Variants in SYNPO observed in about 807,000 individuals in gnomAD.
The protein encoded by SYNPO is synaptopodin.
In SYNPO, 19 loss-of-function variants were observed where a neutral mutation model predicts 49.5. The observed-to-expected ratio is 0.38, with a 90% CI of 0.27 to 0.56. The LOEUF is 0.56. SYNPO is among the 20% of genes least tolerant of loss of function. The probability of loss-of-function intolerance (pLI) is 0.68; values close to 1 mark genes in which losing one functional copy is unlikely to be tolerated. For synonymous variants in SYNPO, 536 were observed against 548.0 expected (o/e 0.98, Z 0.31); for missense variants, 1,131 against 1,248.3 (o/e 0.91, Z 1.42).
At chr5:150,598,264 C>T (rs147756951), upstream of SYNPO, among the ~76,000 whole-genome samples, 2 of 152,322 alleles carry the variant, frequency 1.3e-5, no homozygotes, top group East Asian at 3.9e-4. Flanking sequence ...CGGTGCTCAG[C>T]CCTGCTGCAG....
intron 2 of SYNPO, chr5:150,650,816 GTCTTTCTT>G: frequency 7.8e-7 from 1 of 1,280,960 alleles, no homozygotes; most frequent in Non-Finnish European, 9.9e-7. Context: ...AGCTCCTGGC[GTCTTTCTT>G]CCTGTTGCTG....
At chr5:150,620,538 A>G (rs1330381513) in intron 2 of SYNPO, among the ~76,000 whole-genome samples, 8 of 152,260 alleles carry the variant, frequency 5.3e-5, no homozygotes, top group African/African-American at 1.9e-4. Flanking sequence ...GGTTTTTTGA[A>G]CACGAGGCTT....
intron 2 of SYNPO, chr5:150,624,934 G>T: frequency 1.0e-6 from 1 of 985,498 alleles, no homozygotes. Flanking sequence ...GGCCTGGCAG[G>T]GGTGCGGGCA....
At position 150,649,847 on chromosome 5, in the gene SYNPO, C is replaced by T. The variant is rs780666528; in HGVS notation, c.1572C>T (p.Asn524=). ...SLPSSWKYPT[N]APGAFRVASR... is the part of the protein sequence containing the mutation. ...CTTCCTCCTGGAAATACCCCACTAA[C>T]GCCCCCGGGGCCTTCCGAGTGGCAT... The change falls in exon 2 of 3, where the codon AAC becomes AAT. Residue 524 remains asparagine (N), a synonymous_variant. Transcript: ENST00000307662. The T allele has an allele frequency of 7.8e-5, 126 of 1,608,852 alleles. 1 individual carries two copies. The South Asian group carries it at 9.7e-4, about 12-fold the overall frequency.
At chr5:150,626,860 A>G (rs908226476) in intron 2 of SYNPO, among the ~76,000 whole-genome samples, 1 of 152,118 alleles carries the variant, frequency 6.6e-6, no homozygotes, top group African/African-American at 2.4e-5. Context: ...TAATAGGTGA[A>G]TGGCGACATG....
At chr5:150,615,049 G>A (rs926505031) in intron 1 of SYNPO, 3 of 152,376 alleles carry the variant, frequency 2.0e-5, no homozygotes, top group Non-Finnish European at 4.4e-5. Context: ...AAAGGGCTGG[G>A]TTCAGCACCT....
intron 1 of SYNPO, among the ~76,000 whole-genome samples, chr5:150,603,036 G>GTA (rs1756592009): frequency 6.6e-6 from 1 of 151,516 alleles, no homozygotes; most frequent in African/African-American, 2.4e-5. Context: ...GTGTGTGTGT[G>GTA]TGTGTGGTGT....
At chr5:150,643,049 A>G (rs762299402) in intron 1 of SYNPO, among the ~76,000 whole-genome samples, 1 of 152,186 alleles carries the variant, frequency 6.6e-6, no homozygotes, top group Non-Finnish European at 1.5e-5. Flanking sequence ...ACATTTGAGG[A>G]TTTTCTAAAC....
At chr5:150,635,349 C>G (rs1334614268) in intron 2 of SYNPO, among the ~76,000 whole-genome samples, 1 of 152,234 alleles carries the variant, frequency 6.6e-6, no homozygotes. Flanking sequence ...CCGGCTGGAG[C>G]CTCTCCAGCA....
the SYNPO span, among the ~76,000 whole-genome samples, chr5:150,586,446 C>A: frequency 5.1e-4 from 77 of 152,290 alleles, no homozygotes; most frequent in African/African-American, 1.8e-3. Flanking sequence ...ACCTAACCCC[C>A]AACCCCCACT....
chr5:150,657,227 GT>G lies in SYNPO; in HGVS notation c.*142del. On this transcript the variant is annotated 3_prime_UTR_variant, in exon 3 of 3. Coordinates refer to ENST00000307662, the MANE Select transcript of SYNPO (RefSeq NM_007286.6). ...AGGAGAGCTCTGGGGTTGGGGATGG[GT>G]TAGGGACGCAAGCTTGAGTTCTAGC... 1 of 926,548 alleles carries G rather than the reference GT, an allele frequency of 1.1e-6. No individual in the cohort carries two copies. The allele number at this position is 926,548 out of a possible 1,614,324, so 57.4% of individuals were successfully genotyped here. A position where few individuals can be genotyped will look rare whatever the true frequency, so the allele number is the denominator to read the frequency against.
chr5:150,634,177 A>G (rs959483179), intron 2 of SYNPO, among the ~76,000 whole-genome samples: 5 of 152,058 alleles, frequency 3.3e-5, no homozygotes, highest in Admixed American at 3.3e-4. Context: ...TAAGGTGTAT[A>G]TTCTGTGGTT....
In SYNPO at chr5:150,612,972, T is replaced by A. The variant is rs112951170; in HGVS notation, c.-265-5131T>A. ...ATTTAATGTTTTGTAGAGACGGGGG[T>A]CTCACTATGTTGCTCAGGCTGGTCT... On this transcript the variant is annotated intron_variant, in intron 1 of 2. Transcript: ENST00000394243. Among the ~76,000 whole-genome samples, 1,078 of 151,994 alleles carry A rather than the reference T, an allele frequency of 7.1e-3. 20 individuals are homozygous for A. Among genetic ancestry groups the A allele is most frequent in the African/African-American group, 0.023 (967 of 41,422 alleles).
chr5:150,653,908 C>G (rs33412), intron 2 of SYNPO: 23 of 151,976 alleles, frequency 1.5e-4, no homozygotes, highest in African/African-American at 5.6e-4. Context: ...ATGTCCTGCT[C>G]AGGCTGTTGT....
intron 2 of SYNPO, among the ~76,000 whole-genome samples, chr5:150,622,132 C>T (rs772855991): frequency 1.1e-4 from 16 of 152,218 alleles, no homozygotes; most frequent in South Asian, 2.1e-4. Flanking sequence ...GTGCTAAATG[C>T]GCCATATGGA....
intron 2 of SYNPO, among the ~76,000 whole-genome samples, chr5:150,619,270 A>G (rs1239318607): frequency 6.6e-6 from 1 of 152,022 alleles, no homozygotes. Context: ...TGACCCCCCA[A>G]TTTTACAGGT....
At chr5:150,646,197 A>G (rs1758087362) in intron 1 of SYNPO, among the ~76,000 whole-genome samples, 1 of 151,460 alleles carries the variant, frequency 6.6e-6, no homozygotes, top group Non-Finnish European at 1.5e-5. Flanking sequence ...AAAATTGGCT[A>G]AGTGTGGTGG....
At chr5:150,653,481 C>T (rs1408659391) in intron 2 of SYNPO, 1 of 152,312 alleles carries the variant, frequency 6.6e-6, no homozygotes, top group Non-Finnish European at 1.5e-5. Context: ...GCCTACTCTC[C>T]TGGCTGAAGA....
chr5:150,640,406 G>A (rs1757858832), upstream of SYNPO, among the ~76,000 whole-genome samples: 1 of 152,200 alleles, frequency 6.6e-6, no homozygotes, highest in Admixed American at 6.5e-5. Flanking sequence ...CTCCACTGTT[G>A]CTGAGGGCAC....
Sources: allele counts gnomAD v4.1 joint callset (sites outside exome capture counted in the v4.1 genomes callset), GRCh38; gene constraint gnomAD v4.1.1; transcripts MANE v1.5; gene names NCBI Gene and HGNC (gene_info 2026-07-23, HGNC 2026-07-21).